Variants in THEMIS observed in about 807,000 individuals in gnomAD.
THEMIS encodes the protein thymocyte selection associated.
In THEMIS, 37 loss-of-function variants were observed where a neutral mutation model predicts 52.6. The observed-to-expected ratio is 0.70, with a 90% CI of 0.54 to 0.93. THEMIS has a LOEUF of 0.93. Ranked by LOEUF, THEMIS falls within the 40% of genes least tolerant of loss-of-function variation. The pLI is 0.00. For synonymous variants in THEMIS, 292 were observed against 272.7 expected, an observed-to-expected ratio of 1.07 and a Z score of -0.70; for missense variants, 808 against 763.1, an observed-to-expected ratio of 1.06 and a Z score of -0.69.
intron 5 of THEMIS, among the ~76,000 whole-genome samples, chr6:127,717,587 G>C (rs1035548812): frequency 3.3e-5 from 5 of 151,872 alleles, no homozygotes; most frequent in African/African-American, 4.8e-5. Context: ...CTGATCCTGA[G>C]TGAGGTTTTA....
chr6:127,835,602 T>C (rs570979273), intron 2 of THEMIS, among the ~76,000 whole-genome samples: 3 of 152,226 alleles, frequency 2.0e-5, no homozygotes, highest in Admixed American at 6.5e-5. Flanking sequence ...TTCTAAGCCA[T>C]TGTAGGATGG....
intron 4 of THEMIS, among the ~76,000 whole-genome samples, chr6:127,744,218 C>A (rs954136550): frequency 6.6e-6 from 1 of 152,024 alleles, no homozygotes; most frequent in Non-Finnish European, 1.5e-5. Context: ...GTGGAAACAA[C>A]ATGTGTCTTT....
intron 1 of THEMIS, among the ~76,000 whole-genome samples, chr6:127,864,981 G>A (rs920581219): frequency 3.9e-5 from 6 of 152,118 alleles, no homozygotes; most frequent in African/African-American, 1.4e-4. Context: ...GAGTCACATG[G>A]ACAGGGCATC....
In THEMIS at chr6:127,709,965, G is replaced by A; in HGVS notation, c.*20C>T. 6.3e-7 allele frequency: 1 copy of A among 1,583,686 alleles called. No homozygotes were observed. The highest frequency in any genetic ancestry group is 8.6e-7 in the Non-Finnish European group (1 of 1,167,622). On this transcript the variant is annotated 3_prime_UTR_variant, in exon 6 of 6. Coordinates refer to ENST00000368248, the MANE Select transcript of THEMIS (RefSeq NM_001010923.3). ...TGCAACATTTATGTTTGCTGCCTAAGTGGCTTCTGTCACATCTTGTTATTT... is the reference window on the plus strand; with the variant it reads ...TGCAACATTTATGTTTGCTGCCTAAATGGCTTCTGTCACATCTTGTTATTT...
intron 5 of THEMIS, among the ~76,000 whole-genome samples, chr6:127,711,380 A>C (rs1279393816): frequency 1.3e-5 from 2 of 152,028 alleles, no homozygotes; most frequent in East Asian, 3.9e-4. Flanking sequence ...AGAAGGAAGA[A>C]AGGTAATGTC....
At chr6:127,717,398 T>A (rs1191430635) in intron 5 of THEMIS, among the ~76,000 whole-genome samples, 4 of 151,658 alleles carry the variant, frequency 2.6e-5, no homozygotes, top group South Asian at 2.1e-4. Flanking sequence ...TTCAGAGAAC[T>A]TTTTTTTAAG....
intron 4 of THEMIS, among the ~76,000 whole-genome samples, chr6:127,721,945 A>G (rs1774377635): frequency 6.6e-6 from 1 of 152,010 alleles, no homozygotes; most frequent in Non-Finnish European, 1.5e-5. Flanking sequence ...CAAGTTGTGT[A>G]TATTCTAATA....
chr6:127,878,460 A>AT (rs1482297143), intron 1 of THEMIS, among the ~76,000 whole-genome samples: 1 of 151,948 alleles, frequency 6.6e-6, no homozygotes, highest in Non-Finnish European at 1.5e-5. Flanking sequence ...CAAAAAAAAA[A>AT]TGCTTTTTAC....
At chr6:127,701,165 T>A in the THEMIS span, among the ~76,000 whole-genome samples, 2 of 152,136 alleles carry the variant, frequency 1.3e-5, no homozygotes, top group Non-Finnish European at 2.9e-5. Context: ...CAGCCAGTCA[T>A]AACCAAATCA....
intron 4 of THEMIS, 129 bp downstream of exon 4, chr6:127,812,754 A>T (rs1346126781): frequency 3.3e-6 from 3 of 909,138 alleles, no homozygotes; most frequent in Non-Finnish European, 5.1e-6. Context: ...TCTACTGCAC[A>T]TCAGAAAAGC....
chr6:127,734,896 A>AAAATAT (rs1554216674), intron 4 of THEMIS, among the ~76,000 whole-genome samples: 1 of 65,444 alleles, frequency 1.5e-5, no homozygotes, highest in African/African-American at 5.5e-5. Context: ...AAAAAAAAAA[A>AAAATAT]ATATATATAT....
At chr6:127,884,799 G>C (rs1387937320) in intron 1 of THEMIS, among the ~76,000 whole-genome samples, 3 of 152,132 alleles carry the variant, frequency 2.0e-5, no homozygotes, top group Non-Finnish European at 4.4e-5. Context: ...CAAGGTTCTG[G>C]TTGATTCAGT....
At position 127,829,225 on chromosome 6, in the gene THEMIS, C is replaced by A. The variant is rs1369824716; in HGVS notation, c.709+251G>T. On this transcript the variant is annotated intron_variant, in intron 3 of 5. Transcript: ENST00000368248. ...AAAATAAATTAGTAGTTTGATCTGT[C>A]TGTTCCTGATAGTTATAGCACCTCA... 2.6e-5 allele frequency among the ~76,000 whole-genome samples: 4 copies of A among 152,308 alleles called. No homozygotes were observed. The East Asian group carries it at 7.7e-4, about 29-fold the overall frequency.
At chr6:127,867,611 G>A (rs982210947) in intron 1 of THEMIS, among the ~76,000 whole-genome samples, 2 of 152,008 alleles carry the variant, frequency 1.3e-5, no homozygotes, top group African/African-American at 2.4e-5. Context: ...ACTTAATCAA[G>A]TGGCCACATT....
rs960481753 is a variant in THEMIS, at chr6:127,784,624, A to G, written c.1758+28259T>C. Among the ~76,000 whole-genome samples the G allele has an allele frequency of 3.3e-5, 5 of 152,182 alleles. No homozygotes were observed. In the South Asian group the frequency reaches 1.0e-3, roughly 32 times the overall value. On this transcript the variant is annotated intron_variant, in intron 4 of 5. Transcript: ENST00000368248. The stretch of plus-strand genomic sequence containing the variant: ...AACTCAGTTCTGTGGCTTCTGTTTG[A>G]GTCACTGCTGAAGCAGAAATGTTTC...
Position 127,916,323 on chromosome 6 carries a change from C to T in THEMIS, c.-150+2105G>A, listed in dbSNP as rs186453121. 2.3e-3 allele frequency among the ~76,000 whole-genome samples: 356 copies of T among 152,020 alleles called. 2 individuals are homozygous for T. Among genetic ancestry groups the T allele is most frequent in the African/African-American group, 8.3e-3 (343 of 41,470 alleles). On this transcript the variant is annotated intron_variant, in intron 1 of 6. Transcript: ENST00000368250. ...ATTGAAAACAATTATAGCTATATTACAATAAAAAGTCACTGCCCACCCAGT... is the reference window on the plus strand; with the variant it reads ...ATTGAAAACAATTATAGCTATATTATAATAAAAAGTCACTGCCCACCCAGT...
At position 127,853,008 on chromosome 6, in the gene THEMIS, T is replaced by C. The variant is rs1779483245; in HGVS notation, c.250+2022A>G. Among the ~76,000 whole-genome samples, 6 of 151,782 alleles carry C rather than the reference T, an allele frequency of 4.0e-5. 1 individual carries two copies. In the South Asian group the frequency reaches 1.2e-3, roughly 31 times the overall value. On this transcript the variant is annotated intron_variant, in intron 2 of 5. Coordinates refer to ENST00000368248, the MANE Select transcript of THEMIS (RefSeq NM_001010923.3). ...TAAACTGTTAGCCAAAAACTAAGTG[T>C]TTTCACTATTCTAATAAGAAAAATT...
Position 127,719,778 on chromosome 6 carries a change from C to G in THEMIS, c.1804G>C (p.Gly602Arg). The change falls in exon 5 of 6, where the codon GGC becomes CGC. Residue 602 changes from glycine to arginine, a missense_variant. Coordinates refer to ENST00000368248, the MANE Select transcript of THEMIS (RefSeq NM_001010923.3). Reference sequence around the variant, plus strand: ...CCAATCAGTACTTTTGAATCCAGGCCAGCTTGATTTGGGTGAAGTTTCTTG... The same window carrying G: ...CCAATCAGTACTTTTGAATCCAGGCGAGCTTGATTTGGGTGAAGTTTCTTG... ...ITKKLHPNQA[G>R]LDSKVLIGSQ... The G allele has an allele frequency of 1.2e-6, 2 of 1,612,374 alleles. No homozygotes were observed. Among genetic ancestry groups the G allele is most frequent in the Non-Finnish European group, 1.7e-6 (2 of 1,178,964 alleles).
At chr6:127,768,800 T>G (rs1229231534) in intron 4 of THEMIS, among the ~76,000 whole-genome samples, 2 of 152,210 alleles carry the variant, frequency 1.3e-5, no homozygotes, top group African/African-American at 4.8e-5. Flanking sequence ...AGCTGGATGA[T>G]GTATGCAAAA....
Sources: gnomAD v4.1 joint callset for allele counts (sites outside exome capture counted in the v4.1 genomes callset) on GRCh38, gnomAD v4.1.1 for gene constraint, MANE v1.5 for transcripts, NCBI Gene and HGNC (gene_info 2026-07-23, HGNC 2026-07-21) for gene names.